Variants in OSBPL9 observed in about 807,000 individuals in gnomAD.
OSBPL9 encodes oxysterol binding protein like 9, also known as oxysterol-binding protein-related protein 9.
Under a neutral mutation model 106.6 loss-of-function variants are expected in OSBPL9, and 40 were observed. The ratio of observed to expected loss-of-function variants is 0.38; its 90% CI spans 0.29 to 0.49. The LOEUF (loss-of-function observed/expected upper bound fraction) is 0.49. Ranked by LOEUF, OSBPL9 falls within the 20% of genes least tolerant of loss-of-function variation. The pLI is 0.97. For missense variants in OSBPL9, 609 were observed against 887.2 expected, an observed-to-expected ratio of 0.69 and a Z score of 3.98; for synonymous variants, 269 against 295.4, an observed-to-expected ratio of 0.91 and a Z score of 0.92.
chr1:51,787,463 A>G lies in OSBPL9; in HGVS notation c.2111A>G (p.Glu704Gly), dbSNP rs763372320. 1 of 1,614,050 alleles carries G rather than the reference A, an allele frequency of 6.2e-7. No individual in the cohort carries two copies. Among genetic ancestry groups the G allele is most frequent in the Non-Finnish European group, 8.5e-7 (1 of 1,179,906 alleles). The stretch of plus-strand genomic sequence containing the variant: ...AGAGCAGAAGCCCGAGAAAGGAAGG[A>G]GAAGGAAATTCAGTGGGAGACAAGG... The part of the protein sequence containing the change: ...RQRAEARERK[E>G]KEIQWETRLF... Residue 704 changes from glutamate (E) to glycine (G), a missense_variant, in exon 23 of 24, where the codon GAG (glutamate) becomes GGG (glycine). Physicochemically the swap from Glu to Gly is moderately conservative, Grantham distance 98. This residue lies in a region of OSBPL9 where 132 missense variants were observed against 158.1 expected (regional missense o/e 0.83). Transcript: ENST00000428468.
chr1:51,708,011 T>C (rs1658969229), intron 3 of OSBPL9: 1 of 236,144 alleles, frequency 4.2e-6, no homozygotes, highest in South Asian at 7.0e-5. Flanking sequence ...TACTGGAACA[T>C]GTAGACCATG....
exon 1 of OSBPL9, chr1:51,577,239 T>C (rs1483860117): frequency 6.6e-6 from 1 of 152,138 alleles, no homozygotes; most frequent in Non-Finnish European, 1.5e-5. Flanking sequence ...CCATGCTTCC[T>C]GTAAATCCTG....
At chr1:51,680,377 G>A (rs528524767) in intron 3 of OSBPL9, among the ~76,000 whole-genome samples, 38 of 152,244 alleles carry the variant, frequency 2.5e-4, no homozygotes, top group African/African-American at 8.2e-4. Context: ...TTTTTGGCTA[G>A]GGGTGATAGC....
chr1:51,628,058 A>AT (rs34103866), intron 1 of OSBPL9, among the ~76,000 whole-genome samples: 22,562 of 143,456 alleles, frequency 0.16, 1,957 homozygotes, highest in Middle Eastern at 0.24. Context: ...CCTACTCTCA[A>AT]TTTTTTTTTT....
chr1:51,665,245 A>G (rs1215490750), intron 2 of OSBPL9, among the ~76,000 whole-genome samples: 1 of 152,182 alleles, frequency 6.6e-6, no homozygotes, highest in East Asian at 1.9e-4. Context: ...CCCGGCTTCA[A>G]GTGATTCTCC....
chr1:51,641,492 T>G (rs2148675406), intron 1 of OSBPL9, among the ~76,000 whole-genome samples: 1 of 152,344 alleles, frequency 6.6e-6, no homozygotes, highest in East Asian at 1.9e-4. Context: ...TTTTCTAGAA[T>G]AGTTTGTGAA....
chr1:51,677,865 A>C lies in OSBPL9; in HGVS notation c.241+8353A>C, dbSNP rs149172337. 9.1e-4 allele frequency among the ~76,000 whole-genome samples: 138 copies of C among 152,008 alleles called. 1 individual carries two copies. The East Asian group carries it at 0.025, about 27-fold the overall frequency. ...TGCCTGGCTACAGAGAACATTTTTT[A>C]AGCAGTGTGTTCTCAAAAATAATTT... is the stretch of plus-strand genomic sequence containing the variant. On this transcript the variant is annotated intron_variant, in intron 3 of 23. Coordinates refer to ENST00000428468, the MANE Select transcript of OSBPL9 (RefSeq NM_024586.6).
chr1:51,735,233 C>G (rs969375958), intron 4 of OSBPL9, among the ~76,000 whole-genome samples: 1 of 152,238 alleles, frequency 6.6e-6, no homozygotes, highest in Non-Finnish European at 1.5e-5. Context: ...TTACAGCCGT[C>G]CATGTCCACT....
At chr1:51,594,194 C>G (rs993333106) in intron 1 of OSBPL9, among the ~76,000 whole-genome samples, 1 of 151,448 alleles carries the variant, frequency 6.6e-6, no homozygotes, top group African/African-American at 2.4e-5. Context: ...GTCAGGAGTT[C>G]GAGACAAACC....
chr1:51,644,323 A>AGTTTT (rs1040933454), intron 1 of OSBPL9, among the ~76,000 whole-genome samples: 9 of 151,772 alleles, frequency 5.9e-5, no homozygotes, highest in East Asian at 5.8e-4. Context: ...ATACATATTG[A>AGTTTT]GTTTTGTTTT....
chr1:51,598,628 A>T (rs1222741334), intron 2 of OSBPL9, among the ~76,000 whole-genome samples: 1 of 152,174 alleles, frequency 6.6e-6, no homozygotes, highest in African/African-American at 2.4e-5. Context: ...GTGCCCGCGC[A>T]CACACATATG....
chr1:51,788,104 G>T lies in OSBPL9; in HGVS notation c.*315G>T. On this transcript the variant is annotated 3_prime_UTR_variant, in exon 24 of 24. Transcript: ENST00000428468. ...TCCAAGTCTGAAACTCTGCGCTCTA[G>T]TACTGCTGTTAAGATACACAACTTG... 2 of 334,800 alleles carry T rather than the reference G, an allele frequency of 6.0e-6. No individual in the cohort carries two copies. The highest frequency in any genetic ancestry group is 6.3e-5 in the East Asian group (1 of 15,848). The allele number at this position is 334,800 out of a possible 1,614,324, so 20.7% of individuals were successfully genotyped here.
chr1:51,617,304 T>C (rs1477453704), intron 1 of OSBPL9, 83 bp downstream of exon 1: 5 of 1,385,594 alleles, frequency 3.6e-6, no homozygotes, highest in Non-Finnish European at 4.9e-6. Context: ...TTTAGGTGGC[T>C]GAGTTGAGGT....
intron 11 of OSBPL9, 118 bp from the exon 12 acceptor site, chr1:51,765,704 G>A (rs1267084546): frequency 7.7e-6 from 7 of 905,112 alleles, no homozygotes; most frequent in Admixed American, 6.2e-5. Flanking sequence ...ATACTGTAGC[G>A]ACTTTTACAA....
the OSBPL9 span, among the ~76,000 whole-genome samples, chr1:51,521,740 C>T: frequency 1.3e-5 from 2 of 151,888 alleles, no homozygotes; most frequent in African/African-American, 2.4e-5. Flanking sequence ...TGCTTTTCAC[C>T]GTTTATAAAT....
chr1:51,603,362 A>G (rs912975207), intron 2 of OSBPL9, among the ~76,000 whole-genome samples: 21 of 152,252 alleles, frequency 1.4e-4, no homozygotes, highest in Admixed American at 1.3e-3. Context: ...AAATTTACTG[A>G]GGCCAAAGCG....
chr1:51,744,425 A>T (rs1667556732), intron 4 of OSBPL9, among the ~76,000 whole-genome samples: 1 of 152,196 alleles, frequency 6.6e-6, no homozygotes, highest in African/African-American at 2.4e-5. Flanking sequence ...ATAATACCAT[A>T]CCATCTTAAT....
chr1:51,739,989 C>T (rs1020399258), intron 4 of OSBPL9, among the ~76,000 whole-genome samples: 1 of 146,992 alleles, frequency 6.8e-6, no homozygotes, highest in Non-Finnish European at 1.5e-5. Flanking sequence ...TTGGCATAAT[C>T]TTTTTTTTTT....
chr1:51,618,881 G>A (rs571733616), intron 1 of OSBPL9, among the ~76,000 whole-genome samples: 4 of 152,282 alleles, frequency 2.6e-5, no homozygotes, highest in Admixed American at 2.6e-4. Flanking sequence ...ACTAAACTTC[G>A]CTTTCACTAC....
Sources: allele counts gnomAD v4.1 joint callset (sites outside exome capture counted in the v4.1 genomes callset), GRCh38; gene constraint gnomAD v4.1.1; regional missense constraint gnomAD v4.1.1; transcripts MANE v1.5; gene names NCBI Gene and HGNC (gene_info 2026-07-23, HGNC 2026-07-21).